PRDM10: variants seen among roughly 807,000 people sequenced by gnomAD.
PRDM10 encodes PR domain zinc finger protein 10.
PRDM10 carries 65 observed loss-of-function variants against 133.1 expected under a neutral mutation model. The observed-to-expected ratio is 0.49, with a 90% CI of 0.40 to 0.60. The LOEUF is 0.60. Among genes scored for constraint, PRDM10 ranks in the 20% least tolerant of loss-of-function variants. The pLI, the probability that PRDM10 is intolerant of heterozygous loss-of-function variation, is 0.00. For missense variants in PRDM10, 1,137 were observed against 1,507.1 expected, an observed-to-expected ratio of 0.75 and a Z score of 4.07; for synonymous variants, 582 against 580.4, an observed-to-expected ratio of 1.00 and a Z score of -0.04.
At chr11:129,927,741 G>T (rs1435694680) in intron 11 of PRDM10, among the ~76,000 whole-genome samples, 1 of 152,082 alleles carries the variant, frequency 6.6e-6, no homozygotes, top group African/African-American at 2.4e-5. Context: ...CTGATCTAAT[G>T]ATACTAATGG....
chr11:129,966,545 G>A (rs1449077520), intron 1 of PRDM10, among the ~76,000 whole-genome samples: 2 of 152,146 alleles, frequency 1.3e-5, no homozygotes, highest in African/African-American at 4.8e-5. Flanking sequence ...AAGATGACAC[G>A]ATAACTTGGT....
At chr11:130,000,904 C>T (rs956352298) in intron 1 of PRDM10, among the ~76,000 whole-genome samples, 3 of 152,088 alleles carry the variant, frequency 2.0e-5, no homozygotes, top group Admixed American at 2.0e-4. Context: ...CTCAGCAGTT[C>T]GTAACCATCC....
At position 129,947,404 on chromosome 11, in the gene PRDM10, C is replaced by T. The variant is rs557293521; in HGVS notation, c.295-34G>A. On this transcript the variant is annotated intron_variant, in intron 4 of 20. Transcript: ENST00000360871. This position sits in a 1 kb window ranked among gnomAD's most constrained non-coding sequence, Gnocchi z 4.6. ...AAGTTGAAGGCACAGAGTAAGCAGA[C>T]ATGGACACCTGCTTTTGGTTCGCTG... 3.7e-6 allele frequency: 6 copies of T among 1,610,186 alleles called. No homozygotes were observed. In the East Asian group the frequency reaches 8.9e-5, roughly 24 times the overall value.
chr11:129,913,710 G>C (rs190131309), intron 17 of PRDM10, among the ~76,000 whole-genome samples: 1 of 152,034 alleles, frequency 6.6e-6, no homozygotes, highest in African/African-American at 2.4e-5. Flanking sequence ...AAAGCCTGAA[G>C]TTAAAAACCC....
rs1951783703 is a variant in PRDM10 at position 129,960,913 on chromosome 11, C to G, written c.52G>C (p.Glu18Gln). ...SHVWPTSAEHEQNAAQVHFVP... is the reference protein window; with the variant it reads ...SHVWPTSAEHQQNAAQVHFVP... ...GTCTTCACCTGTGCGGCATTCTGTT[C>G]ATGCTCTGCAGATGTCGGCCACACA... Residue 18 changes from glutamate (E) to glutamine (Q), a missense_variant, in exon 2 of 21, where the codon GAA (glutamate) becomes CAA (glutamine). By Grantham distance (29) the Glu-to-Gln change is conservative. Coordinates refer to ENST00000360871, the MANE Select transcript of PRDM10 (RefSeq NM_199437.2). 6.2e-7 allele frequency: 1 copy of G among 1,614,174 alleles called. No homozygotes were observed. Among genetic ancestry groups the G allele is most frequent in the African/African-American group, 1.3e-5 (1 of 75,052 alleles).
Position 129,918,862 on chromosome 11 carries a change from G to C in PRDM10, c.2035-144C>G. The C allele has an allele frequency of 1.2e-6, 1 of 816,062 alleles. No individual in the cohort carries two copies. Among genetic ancestry groups the C allele is most frequent in the East Asian group, 2.6e-5 (1 of 38,720 alleles). 50.6% of individuals were successfully genotyped at this position (816,062 alleles called of 1,614,324 possible). On this transcript the variant is annotated intron_variant, in intron 13 of 20. Transcript: ENST00000360871. The surrounding 1 kb of genome is among the most constrained non-coding windows in gnomAD (Gnocchi z 5.3). ...TGAGTTGCTGGAACACTAGGACGCAGACATGTTAAAAGTGGCTGGGAGTTA... is the reference window on the plus strand; with the variant it reads ...TGAGTTGCTGGAACACTAGGACGCACACATGTTAAAAGTGGCTGGGAGTTA...
chr11:129,933,569 G>T (rs1009478402), intron 9 of PRDM10, among the ~76,000 whole-genome samples: 5 of 152,090 alleles, frequency 3.3e-5, no homozygotes, highest in African/African-American at 4.8e-5. Context: ...CTTCCTAGTT[G>T]TCCCAGGTTT....
chr11:129,916,097 A>G (rs1950348413), intron 15 of PRDM10, among the ~76,000 whole-genome samples: 1 of 152,202 alleles, frequency 6.6e-6, no homozygotes, highest in South Asian at 2.1e-4. Flanking sequence ...TAAATCTAAG[A>G]TAATAACTGT....
chr11:129,955,052 G>A (rs1013198442), intron 4 of PRDM10, among the ~76,000 whole-genome samples: 18 of 152,136 alleles, frequency 1.2e-4, no homozygotes, highest in African/African-American at 4.3e-4. Flanking sequence ...TGAAGGTAAT[G>A]GGAAAGAAAT....
At chr11:129,946,702 C>G (rs917669840) in intron 5 of PRDM10, among the ~76,000 whole-genome samples, 2 of 152,140 alleles carry the variant, frequency 1.3e-5, no homozygotes, top group Non-Finnish European at 2.9e-5. Context: ...AGGTAGTAGA[C>G]TCAGGGCACT....
chr11:129,931,722 G>A (rs920044304), intron 10 of PRDM10, among the ~76,000 whole-genome samples: 21 of 151,828 alleles, frequency 1.4e-4, no homozygotes, highest in East Asian at 2.0e-4. Context: ...GCCCGCCACT[G>A]CACCCAGCTA....
At chr11:129,930,542 T>C (rs1337522161) in intron 11 of PRDM10, among the ~76,000 whole-genome samples, 1 of 152,200 alleles carries the variant, frequency 6.6e-6, no homozygotes, top group Non-Finnish European at 1.5e-5. Flanking sequence ...ACCTGCCATA[T>C]CAACTTGGAC....
chr11:129,952,598 C>T (rs1591655385), intron 4 of PRDM10, among the ~76,000 whole-genome samples: 1 of 151,970 alleles, frequency 6.6e-6, no homozygotes, highest in African/African-American at 2.4e-5. Flanking sequence ...CTCATGGCAG[C>T]CTCAACCTCC....
rs147771055 is a variant in PRDM10, at chr11:129,905,710, C to T, written c.3195G>A (p.Pro1065=). 4.0e-5 allele frequency: 65 copies of T among 1,613,944 alleles called. No homozygotes were observed. The highest frequency in any genetic ancestry group is 4.9e-5 in the Non-Finnish European group (58 of 1,179,972). The change falls in exon 20 of 21, where the codon CCG becomes CCA. Residue 1065 remains proline (P), a synonymous_variant. Coordinates refer to ENST00000360871, the MANE Select transcript of PRDM10 (RefSeq NM_199437.2). ...CACTGTCTGTAATCACAAACTGACC[C>T]GGAGGAAGCGTCATCATTTGAATCT... ...SSEIQMMTLP[P]GQFVITDSGV...
intron 1 of PRDM10, among the ~76,000 whole-genome samples, chr11:129,989,562 T>C (rs748599930): frequency 6.6e-6 from 1 of 152,142 alleles, no homozygotes; most frequent in African/African-American, 2.4e-5. Flanking sequence ...GTGGGTCTTA[T>C]GTGGCCTGAA....
rs3734073 is a variant in PRDM10 at position 129,915,699 on chromosome 11, G to A, written c.2487C>T (p.Pro829=). The A allele has an allele frequency of 0.31, 493,523 of 1,613,334 alleles. 77,895 individuals carry two copies. The highest frequency in any genetic ancestry group is 0.35 in the Middle Eastern group (2,099 of 6,054). The change falls in exon 16 of 21, where the codon CCC becomes CCT. Residue 829 remains proline (P), a synonymous_variant. Coordinates refer to ENST00000360871, the MANE Select transcript of PRDM10 (RefSeq NM_199437.2). ...GCTTGGAGCAGTGGGGACAGCAGAC[G>A]GGAGGGGTGGCGATGGTGCCCGTCA... ...TQLTGTIATP[P]VCCPHCSKQY...
rs1275157146 is a variant in PRDM10 at position 129,918,847 on chromosome 11, G to T, written c.2035-129C>A. The T allele has an allele frequency of 3.3e-6, 3 of 903,738 alleles. No homozygotes were observed. Among genetic ancestry groups the T allele is most frequent in the Admixed American group, 5.2e-5 (2 of 38,732 alleles). 56.0% of individuals were successfully genotyped at this position (903,738 alleles called of 1,614,324 possible). The stretch of plus-strand genomic sequence containing the variant: ...CCTCCAAGAGACATTTGAGTTGCTG[G>T]AACACTAGGACGCAGACATGTTAAA... On this transcript the variant is annotated intron_variant, in intron 13 of 20. Coordinates refer to ENST00000360871, the MANE Select transcript of PRDM10 (RefSeq NM_199437.2). This position sits in a 1 kb window ranked among gnomAD's most constrained non-coding sequence, Gnocchi z 5.3.
At position 130,002,708 on chromosome 11, in the gene PRDM10, C is replaced by T. The variant is rs1402744029; in HGVS notation, c.-119+14G>A. 6.3e-6 allele frequency: 1 copy of T among 159,992 alleles called. No individual in the cohort carries two copies. Among genetic ancestry groups the T allele is most frequent in the Non-Finnish European group, 1.4e-5 (1 of 71,800 alleles). The allele number at this position is 159,992 out of a possible 1,614,324, so 9.9% of individuals were successfully genotyped here. Reference sequence around the variant, plus strand: ...CCTGGCTTATCTGGTTCCCTTAATCCTTTAGGTACTTACACGACGTTGGGT... The same window carrying T: ...CCTGGCTTATCTGGTTCCCTTAATCTTTTAGGTACTTACACGACGTTGGGT... On this transcript the variant is annotated intron_variant, in intron 1 of 20. Coordinates refer to ENST00000360871, the MANE Select transcript of PRDM10 (RefSeq NM_199437.2).
chr11:129,981,378 T>C (rs1478618702), intron 1 of PRDM10, among the ~76,000 whole-genome samples: 3 of 152,214 alleles, frequency 2.0e-5, no homozygotes, highest in African/African-American at 4.8e-5. Flanking sequence ...AGTGTCTGTC[T>C]TTCCACTGAT....
Sources: gnomAD v4.1 joint callset for allele counts (sites outside exome capture counted in the v4.1 genomes callset) on GRCh38, gnomAD v4.1.1 for gene constraint, Gnocchi (gnomAD v3.1) non-coding constraint, MANE v1.5 for transcripts, NCBI Gene and HGNC (gene_info 2026-07-23, HGNC 2026-07-21) for gene names.